The following PIGB variants were observed in gnomAD, a reference collection of about 807,000 sequenced individuals.
PIGB encodes the protein GPI alpha-1,2-mannosyltransferase 3.
A neutral mutation model predicts 68.4 loss-of-function variants in PIGB; 58 were observed. The ratio of observed to expected loss-of-function variants is 0.85; its 90% CI spans 0.69 to 1.06. The LOEUF is 1.06. PIGB is among the 50% of genes least tolerant of loss of function. The pLI is 0.00. For missense variants in PIGB, 634 were observed against 655.8 expected, an observed-to-expected ratio of 0.97 and a Z score of 0.36; for synonymous variants, 219 against 220.5, an observed-to-expected ratio of 0.99 and a Z score of 0.06.
intron 9 of PIGB, chr15:55,346,232 C>A (rs1034447343): frequency 6.6e-6 from 1 of 152,210 alleles, no homozygotes; most frequent in Non-Finnish European, 1.5e-5. Context: ...GGAACCACCT[C>A]ATGAAGTATC....
intron 9 of PIGB, among the ~76,000 whole-genome samples, chr15:55,345,396 A>T (rs558221495): frequency 6.6e-6 from 1 of 152,292 alleles, no homozygotes; most frequent in African/African-American, 2.4e-5. Context: ...TCTTTGTTTT[A>T]GGCATTAACT....
At chr15:55,324,922 G>A (rs949920837) in intron 3 of PIGB, 1 of 492,480 alleles carries the variant, frequency 2.0e-6, no homozygotes, top group Non-Finnish European at 2.6e-6. Context: ...TCCAATTTTA[G>A]CATTTATTTA....
intron 9 of PIGB, chr15:55,346,841 T>C (rs1409381984): frequency 2.6e-5 from 4 of 152,236 alleles, no homozygotes; most frequent in African/African-American, 9.6e-5. Flanking sequence ...TACTGGTCTA[T>C]AAGAAAACCA....
At chr15:55,354,617 A>G (rs1037931002) in intron 10 of PIGB, 181 bp from the exon 11 acceptor site, 14 of 576,726 alleles carry the variant, frequency 2.4e-5, no homozygotes, top group Non-Finnish European at 3.6e-5. Context: ...GGTACATGGT[A>G]TAAGAATCAT....
chr15:55,327,798 C>T (rs2055326754), intron 4 of PIGB, among the ~76,000 whole-genome samples, 163 bp downstream of exon 4: 1 of 152,150 alleles, frequency 6.6e-6, no homozygotes, highest in Non-Finnish European at 1.5e-5. Context: ...TGGCACCTGC[C>T]ATATCTTTCC....
chr15:55,346,891 T>A (rs913215237), intron 9 of PIGB: 1 of 152,238 alleles, frequency 6.6e-6, no homozygotes, highest in African/African-American at 2.4e-5. Context: ...CAGTCTAGCA[T>A]TGGAACTGGA....
rs138492987 is a variant in PIGB at position 55,338,584 on chromosome 15, G to A, written c.795-683G>A. Among the ~76,000 whole-genome samples the A allele has an allele frequency of 7.9e-3, 1,203 of 152,174 alleles. 11 individuals are homozygous for A. Among genetic ancestry groups the A allele is most frequent in the Non-Finnish European group, 0.012 (834 of 67,998 alleles). Reference sequence around the variant, plus strand: ...CACTTGAGCCCAGGAGGTCAAGGCTGCAGTGAGCCATGATCACACACTACT... The same window carrying A: ...CACTTGAGCCCAGGAGGTCAAGGCTACAGTGAGCCATGATCACACACTACT... On this transcript the variant is annotated intron_variant, in intron 6 of 11. Transcript: ENST00000164305.
At chr15:55,326,682 T>C (rs987601115) in intron 3 of PIGB, among the ~76,000 whole-genome samples, 3 of 150,088 alleles carry the variant, frequency 2.0e-5, no homozygotes, top group Non-Finnish European at 3.0e-5. Context: ...CTGGCTAACA[T>C]TGTGAAACCC....
chr15:55,319,443 C>G, intron 1 of PIGB, 30 bp downstream of exon 1: 2 of 1,526,474 alleles, frequency 1.3e-6, no homozygotes, highest in Non-Finnish European at 1.8e-6. Context: ...CTGGAGAGCT[C>G]CTACCCCCAT....
intron 3 of PIGB, among the ~76,000 whole-genome samples, chr15:55,326,239 CTTA>C (rs2055282738): frequency 1.3e-5 from 2 of 150,784 alleles, no homozygotes; most frequent in Admixed American, 1.3e-4. Flanking sequence ...AAAAGTATTT[CTTA>C]TTATCTTATT....
In PIGB at chr15:55,320,511, GTAGA is replaced by G. The variant is rs1821237679; in HGVS notation, c.299+105_299+108del. 4 of 1,071,496 alleles carry G rather than the reference GTAGA, an allele frequency of 3.7e-6. No individual in the cohort carries two copies. The East Asian group carries it at 7.2e-5, about 19-fold the overall frequency. 66.4% of individuals were successfully genotyped at this position (1,071,496 alleles called of 1,614,324 possible). A position where few individuals can be genotyped will look rare whatever the true frequency, so the allele number is the denominator to read the frequency against. ...AGTCCCCCTTGCTCCCTCGTCTTCA[GTAGA>G]TAGTTTCCAAAATCCCTAGTGGATG... is the stretch of plus-strand genomic sequence containing the variant. On this transcript the variant is annotated intron_variant, in intron 2 of 11. Transcript: ENST00000164305.
chr15:55,326,496 G>A (rs2055289184), intron 3 of PIGB, among the ~76,000 whole-genome samples: 1 of 152,134 alleles, frequency 6.6e-6, no homozygotes, highest in South Asian at 2.1e-4. Flanking sequence ...AAAATAGCAT[G>A]ATACATAGTA....
At chr15:55,329,217 C>T (rs2055358711) in intron 4 of PIGB, among the ~76,000 whole-genome samples, 1 of 150,978 alleles carries the variant, frequency 6.6e-6, no homozygotes, top group South Asian at 2.1e-4. Flanking sequence ...TGTCTCCTGA[C>T]TTTTTTTTCC....
intron 3 of PIGB, among the ~76,000 whole-genome samples, chr15:55,327,134 T>C (rs552817055): frequency 7.7e-4 from 114 of 148,464 alleles, no homozygotes; most frequent in Non-Finnish European, 1.3e-3. Context: ...TTTAAAAATA[T>C]ATTTATAATA....
In PIGB at chr15:55,354,985, A is replaced by T. The variant is rs2056041489; in HGVS notation, c.1518+7A>T. ...CTTCAGCATTTTGGAAGAGGTAAGT[A>T]AACATGAAAAAGAGGAAAACTCAGT... On this transcript the variant is annotated splice_region_variant and intron_variant, in intron 11 of 11. Transcript: ENST00000164305. The T allele has an allele frequency of 1.9e-6, 3 of 1,600,032 alleles. No individual in the cohort carries two copies. Among genetic ancestry groups the T allele is most frequent in the Non-Finnish European group, 2.6e-6 (3 of 1,173,258 alleles).
At chr15:55,335,589 A>T (rs2055516488) in intron 6 of PIGB, among the ~76,000 whole-genome samples, 1 of 152,212 alleles carries the variant, frequency 6.6e-6, no homozygotes, top group Admixed American at 6.5e-5. Context: ...GTGGGATAAG[A>T]AGGATAGAAT....
In PIGB at chr15:55,319,339, G is replaced by C. The variant is rs867991151; in HGVS notation, c.89G>C (p.Gly30Ala). 3.5e-5 allele frequency: 55 copies of C among 1,578,036 alleles called. No homozygotes were observed. The highest frequency in any genetic ancestry group is 4.5e-5 in the Non-Finnish European group (52 of 1,161,532). The change falls in exon 1 of 12, where the codon GGC (glycine) becomes GCC (alanine). Residue 30 changes from glycine (G) to alanine (A), a missense_variant. Gly to Ala is a moderately conservative substitution (Grantham distance 60, BLOSUM62 0). Coordinates refer to ENST00000164305, the MANE Select transcript of PIGB (RefSeq NM_004855.5). ...CATGGTCTCCAGAACCGCTCCCACG[G>C]CAAGATAAAGCTGCGAAAGAGAAAG... ...TLHGLQNRSH[G>A]KIKLRKRKST...
intron 10 of PIGB, chr15:55,354,595 T>G: frequency 2.0e-6 from 1 of 512,424 alleles, no homozygotes; most frequent in Non-Finnish European, 3.4e-6. Flanking sequence ...GTTATACTGC[T>G]GCTGCTGCAT....
intron 3 of PIGB, among the ~76,000 whole-genome samples, chr15:55,322,777 C>T (rs190071433): frequency 2.8e-3 from 431 of 152,292 alleles, no homozygotes; most frequent in Non-Finnish European, 4.6e-3. Flanking sequence ...AGCAGAGTTT[C>T]TTCCATTAAC....
Sources: allele counts gnomAD v4.1 joint callset (sites outside exome capture counted in the v4.1 genomes callset), GRCh38; gene constraint gnomAD v4.1.1; transcripts MANE v1.5; gene names NCBI Gene and HGNC (gene_info 2026-07-23, HGNC 2026-07-21).